Variants in LRFN5 observed in about 807,000 individuals in gnomAD.
The protein encoded by LRFN5 is leucine rich repeat and fibronectin type III domain containing 5.
A neutral mutation model predicts 45.6 loss-of-function variants in LRFN5; 24 were observed. The ratio of observed to expected loss-of-function variants is 0.53; its 90% CI spans 0.38 to 0.74. The LOEUF is 0.74. Ranked by LOEUF, LRFN5 falls within the 30% of genes least tolerant of loss-of-function variation. The pLI is 0.00. For synonymous variants in LRFN5, 340 were observed against 313.8 expected (o/e 1.08, Z -0.88); for missense variants, 776 against 861.5 (o/e 0.90, Z 1.24).
intron 2 of LRFN5, among the ~76,000 whole-genome samples, chr14:41,879,385 T>A (rs181463316): frequency 2.6e-5 from 4 of 152,020 alleles, no homozygotes; most frequent in African/African-American, 9.6e-5. Context: ...CTACTCACAA[T>A]TACTAAAAAG....
chr14:41,818,598 C>A (rs1256475023), intron 2 of LRFN5, among the ~76,000 whole-genome samples: 1 of 151,928 alleles, frequency 6.6e-6, no homozygotes, highest in Admixed American at 6.6e-5. Flanking sequence ...AGTATGTGGG[C>A]TAATTGGCTA....
At chr14:41,704,339 C>A (rs17092266) in intron 1 of LRFN5, among the ~76,000 whole-genome samples, 24,227 of 151,334 alleles carry the variant, frequency 0.16, 2,251 homozygotes, top group East Asian at 0.41. Context: ...TTACCTCTGG[C>A]CTTGTATTGC....
chr14:41,860,723 G>A (rs140410113), intron 2 of LRFN5, among the ~76,000 whole-genome samples: 216 of 152,318 alleles, frequency 1.4e-3, no homozygotes, highest in Non-Finnish European at 2.3e-3. Flanking sequence ...CTGCCCTGGT[G>A]TTCAGGACAG....
chr14:41,883,062 TG>T (rs1194696806), intron 2 of LRFN5, among the ~76,000 whole-genome samples: 1 of 151,972 alleles, frequency 6.6e-6, no homozygotes, highest in Non-Finnish European at 1.5e-5. Flanking sequence ...TTGGCCAGGA[TG>T]GTCTCGAACT....
At chr14:41,901,724 T>TA (rs1891107296) in intron 5 of LRFN5, among the ~76,000 whole-genome samples, 1 of 151,928 alleles carries the variant, frequency 6.6e-6, no homozygotes, top group Non-Finnish European at 1.5e-5. Flanking sequence ...GTTAGGAAAA[T>TA]ACATGAAATA....
chr14:41,670,260 T>G (rs1420891407), intron 1 of LRFN5, among the ~76,000 whole-genome samples: 13 of 4,798 alleles, frequency 2.7e-3, no homozygotes, highest in South Asian at 8.8e-3. Context: ...CACACAGATA[T>G]ATATATATAT....
At chr14:41,794,097 A>G (rs1478828479) in intron 2 of LRFN5, among the ~76,000 whole-genome samples, 2 of 152,006 alleles carry the variant, frequency 1.3e-5, no homozygotes, top group Non-Finnish European at 2.9e-5. Flanking sequence ...TCATATTTAT[A>G]AATATGACTC....
chr14:41,672,992 A>C (rs960179016), intron 1 of LRFN5, among the ~76,000 whole-genome samples: 1 of 152,116 alleles, frequency 6.6e-6, no homozygotes, highest in African/African-American at 2.4e-5. Flanking sequence ...AAAGATCTAC[A>C]CTAAGTTAAA....
intron 2 of LRFN5, among the ~76,000 whole-genome samples, chr14:41,768,108 G>A (rs1250737391): frequency 6.6e-6 from 1 of 152,070 alleles, no homozygotes; most frequent in Non-Finnish European, 1.5e-5. Flanking sequence ...ACAGGTAAGA[G>A]ATACTTAATG....
At chr14:41,859,083 T>A (rs772782142) in intron 2 of LRFN5, among the ~76,000 whole-genome samples, 2 of 152,172 alleles carry the variant, frequency 1.3e-5, no homozygotes, top group Non-Finnish European at 2.9e-5. Flanking sequence ...CTTGTAGCAT[T>A]TATGAATTTC....
intron 2 of LRFN5, among the ~76,000 whole-genome samples, chr14:41,802,894 T>C (rs1397923385): frequency 6.6e-6 from 1 of 152,136 alleles, no homozygotes; most frequent in Non-Finnish European, 1.5e-5. Flanking sequence ...TGAAAGGGAA[T>C]TGTATATTAC....
chr14:41,755,149 T>A (rs1243010251), intron 1 of LRFN5, among the ~76,000 whole-genome samples: 13 of 152,182 alleles, frequency 8.5e-5, no homozygotes, highest in South Asian at 6.2e-4. Context: ...ATAATTTCTG[T>A]TCTTTTACAT....
chr14:41,825,883 G>A (rs1888277187), intron 2 of LRFN5, among the ~76,000 whole-genome samples: 1 of 152,156 alleles, frequency 6.6e-6, no homozygotes. Context: ...CCAGCAGCCT[G>A]CTGCAGGGAT....
intron 1 of LRFN5, among the ~76,000 whole-genome samples, chr14:41,737,237 C>T (rs919648515): frequency 6.6e-6 from 1 of 152,142 alleles, no homozygotes; most frequent in African/African-American, 2.4e-5. Context: ...ATAAACAGAA[C>T]CAATGGCAAA....
At chr14:41,659,659 C>G (rs573157735) in intron 1 of LRFN5, among the ~76,000 whole-genome samples, 1 of 152,254 alleles carries the variant, frequency 6.6e-6, no homozygotes, top group Non-Finnish European at 1.5e-5. Context: ...CTAACTTACA[C>G]TCCCACTAAC....
At chr14:41,751,643 A>G (rs977488895) in intron 1 of LRFN5, among the ~76,000 whole-genome samples, 23 of 152,112 alleles carry the variant, frequency 1.5e-4, no homozygotes, top group Admixed American at 7.9e-4. Flanking sequence ...AGTCAGTTTG[A>G]CTTTGAGCAT....
At chr14:41,714,548 G>A (rs564298789) in intron 1 of LRFN5, among the ~76,000 whole-genome samples, 6 of 152,026 alleles carry the variant, frequency 3.9e-5, no homozygotes, top group African/African-American at 1.4e-4. Context: ...AATTTAATTG[G>A]ACAGACGTGT....
intron 1 of LRFN5, chr14:41,701,294 A>T (rs1194914952): frequency 6.6e-6 from 1 of 152,196 alleles, no homozygotes; most frequent in Non-Finnish European, 1.5e-5. Flanking sequence ...AATATGAACC[A>T]CATGCTGTAC....
chr14:41,871,628 C>A (rs568471673), intron 2 of LRFN5, among the ~76,000 whole-genome samples: 2 of 151,884 alleles, frequency 1.3e-5, no homozygotes, highest in African/African-American at 4.8e-5. Flanking sequence ...AGGATGCTGT[C>A]AAGAAATTTC....
Sources: allele counts gnomAD v4.1 joint callset (sites outside exome capture counted in the v4.1 genomes callset), GRCh38; gene constraint gnomAD v4.1.1; transcripts MANE v1.5; gene names NCBI Gene and HGNC (gene_info 2026-07-23, HGNC 2026-07-21).